Variants in CPNE8 observed in about 807,000 individuals in gnomAD.
The protein encoded by CPNE8 is copine-8.
CPNE8 carries 45 observed loss-of-function variants against 81.5 expected under a neutral mutation model. That is an observed-to-expected ratio of 0.55 (90% CI 0.44 to 0.71). The LOEUF (loss-of-function observed/expected upper bound fraction) is 0.71, where lower values mean the gene tolerates loss of function less well. CPNE8 is among the 30% of genes least tolerant of loss of function. The probability of loss-of-function intolerance (pLI) is 0.00; values close to 1 mark genes in which losing one functional copy is unlikely to be tolerated. For missense variants in CPNE8, 594 were observed against 672.1 expected (o/e 0.88, Z 1.28); for synonymous variants, 252 against 226.3 (o/e 1.11, Z -1.02).
At chr12:38,686,222 A>AG in intron 15 of CPNE8, among the ~76,000 whole-genome samples, 1 of 152,312 alleles carries the variant, frequency 6.6e-6, no homozygotes, top group East Asian at 1.9e-4. Flanking sequence ...AAGGAGTCAG[A>AG]GGGAATATAA....
intron 19 of CPNE8, among the ~76,000 whole-genome samples, chr12:38,669,062 A>T (rs907976305): frequency 6.8e-6 from 1 of 147,104 alleles, no homozygotes; most frequent in Non-Finnish European, 1.5e-5. Flanking sequence ...AAAAAAAAAA[A>T]TAAAATAAAT....
At chr12:38,809,310 C>G (rs952421551) in intron 6 of CPNE8, among the ~76,000 whole-genome samples, 6 of 152,176 alleles carry the variant, frequency 3.9e-5, no homozygotes, top group African/African-American at 1.2e-4. Flanking sequence ...ACGGTTTCCA[C>G]GTGGCCTCCA....
chr12:38,729,248 T>A (rs937507166), intron 11 of CPNE8, among the ~76,000 whole-genome samples: 2 of 152,044 alleles, frequency 1.3e-5, no homozygotes, highest in African/African-American at 4.8e-5. Context: ...TTATTTCCTG[T>A]TTAGAACCTA....
At chr12:38,780,023 T>C (rs1453911283) in intron 6 of CPNE8, among the ~76,000 whole-genome samples, 1 of 152,086 alleles carries the variant, frequency 6.6e-6, no homozygotes, top group Non-Finnish European at 1.5e-5. Context: ...TATTTTCTCT[T>C]CCAGGAGTTT....
chr12:38,854,424 CCTGA>C (rs1943696322), intron 3 of CPNE8, among the ~76,000 whole-genome samples: 1 of 114,538 alleles, frequency 8.7e-6, no homozygotes, highest in South Asian at 2.6e-4. Context: ...TCTAGAGAAC[CCTGA>C]CTAACACACC....
chr12:38,696,496 C>T (rs940243826), intron 14 of CPNE8, among the ~76,000 whole-genome samples: 3 of 152,036 alleles, frequency 2.0e-5, no homozygotes, highest in Non-Finnish European at 4.4e-5. Context: ...AGGTTAATAA[C>T]ATTGGGGCCC....
At chr12:38,822,766 TAA>T (rs145681488) in intron 6 of CPNE8, among the ~76,000 whole-genome samples, 1 of 151,732 alleles carries the variant, frequency 6.6e-6, no homozygotes, top group African/African-American at 2.4e-5. Context: ...CCCATAGACA[TAA>T]AAAAAAGTAT....
chr12:38,710,453 C>T (rs1019581095), intron 13 of CPNE8, among the ~76,000 whole-genome samples: 4 of 152,002 alleles, frequency 2.6e-5, no homozygotes, highest in African/African-American at 9.7e-5. Flanking sequence ...GTTGTGACTC[C>T]TTGCAAAACT....
intron 6 of CPNE8, among the ~76,000 whole-genome samples, chr12:38,827,105 C>T (rs1377322391): frequency 1.3e-5 from 2 of 149,072 alleles, no homozygotes; most frequent in African/African-American, 2.5e-5. Context: ...CACTTGAACC[C>T]GGGAGGCAGA....
chr12:38,752,216 G>T (rs1284347477), intron 10 of CPNE8, among the ~76,000 whole-genome samples: 2 of 152,138 alleles, frequency 1.3e-5, no homozygotes, highest in Non-Finnish European at 2.9e-5. Context: ...CAACTGATTG[G>T]ATTTAGTGGA....
At chr12:38,778,021 A>AC (rs1448968189) in intron 6 of CPNE8, among the ~76,000 whole-genome samples, 1 of 152,026 alleles carries the variant, frequency 6.6e-6, no homozygotes, top group Non-Finnish European at 1.5e-5. Flanking sequence ...GTCTCCCATC[A>AC]CCCCCACATG....
At chr12:38,776,143 C>T (rs896681987) in intron 7 of CPNE8, 95 bp downstream of exon 7, 73 of 535,050 alleles carry the variant, frequency 1.4e-4, no homozygotes, top group African/African-American at 2.5e-4. Flanking sequence ...AACACTTTTG[C>T]TACAATTACT....
At position 38,797,933 on chromosome 12, in the gene CPNE8, A is replaced by G. The variant is rs144052295; in HGVS notation, c.408-21632T>C. Among the ~76,000 whole-genome samples the G allele has an allele frequency of 4.6e-4, 70 of 152,272 alleles. 1 individual carries two copies. The highest frequency in any genetic ancestry group is 7.6e-4 in the Non-Finnish European group (52 of 68,026). On this transcript the variant is annotated intron_variant, in intron 6 of 19. Transcript: ENST00000331366. ...GCCTCAGGAGCTGATGTGATCAACT[A>G]GAAGAAAGGGTATCAGTGATGGAAG...
intron 6 of CPNE8, among the ~76,000 whole-genome samples, chr12:38,799,864 A>T (rs910147222): frequency 5.9e-5 from 9 of 151,480 alleles, no homozygotes; most frequent in African/African-American, 1.9e-4. Flanking sequence ...GGGGTCAGGG[A>T]GTTCCCTTTC....
At chr12:38,816,761 T>C (rs1943030830) in intron 6 of CPNE8, among the ~76,000 whole-genome samples, 1 of 152,228 alleles carries the variant, frequency 6.6e-6, no homozygotes, top group South Asian at 2.1e-4. Context: ...CTTACTAAAC[T>C]GCTGTCCATG....
At chr12:38,675,075 T>TA (rs1471506306) in intron 18 of CPNE8, among the ~76,000 whole-genome samples, 1 of 152,228 alleles carries the variant, frequency 6.6e-6, no homozygotes, top group African/African-American at 2.4e-5. Flanking sequence ...CATTTGTCTC[T>TA]TAATGGGCAT....
At chr12:38,709,954 A>G (rs1940208778) in intron 13 of CPNE8, among the ~76,000 whole-genome samples, 1 of 152,014 alleles carries the variant, frequency 6.6e-6, no homozygotes, top group Admixed American at 6.6e-5. Context: ...ATTCCTGGGG[A>G]TCAGTGAAAT....
At chr12:38,720,695 C>G (rs899299660) in intron 13 of CPNE8, 3 of 152,204 alleles carry the variant, frequency 2.0e-5, no homozygotes, top group African/African-American at 7.2e-5. Flanking sequence ...CTGCTCCAGA[C>G]AGCCTTACGC....
intron 6 of CPNE8, among the ~76,000 whole-genome samples, chr12:38,792,158 C>T (rs529961780): frequency 6.6e-6 from 1 of 151,380 alleles, no homozygotes; most frequent in Non-Finnish European, 1.5e-5. Context: ...AACAACCTAA[C>T]TTTATACCTC....
Sources: gnomAD v4.1 joint callset for allele counts (sites outside exome capture counted in the v4.1 genomes callset) on GRCh38, gnomAD v4.1.1 for gene constraint, MANE v1.5 for transcripts, NCBI Gene and HGNC (gene_info 2026-07-23, HGNC 2026-07-21) for gene names.